CRYBG1: variants seen among roughly 807,000 people sequenced by gnomAD.
CRYBG1 encodes beta/gamma crystallin domain-containing protein 1.
In CRYBG1, 139 loss-of-function variants were observed where a neutral mutation model predicts 189.2. The observed-to-expected ratio is 0.73, with a 90% CI of 0.64 to 0.85. The LOEUF is 0.85. Ranked by LOEUF, CRYBG1 falls within the 40% of genes least tolerant of loss-of-function variation. The probability of loss-of-function intolerance (pLI) is 0.00; values close to 1 mark genes in which losing one functional copy is unlikely to be tolerated. For synonymous variants in CRYBG1, 1,023 were observed against 1,017.1 expected, an observed-to-expected ratio of 1.01 and a Z score of -0.11; for missense variants, 2,611 against 2,675.8, an observed-to-expected ratio of 0.98 and a Z score of 0.53.
In CRYBG1 at chr6:106,512,806, G is replaced by A; in HGVS notation, c.1689G>A (p.Ala563=). 2 of 1,575,146 alleles carry A rather than the reference G, an allele frequency of 1.3e-6. No homozygotes were observed. Among genetic ancestry groups the A allele is most frequent in the African/African-American group, 1.3e-5 (1 of 74,264 alleles). ...CTGCGGCCGAGAGCGGGGAGGAGGC[G>A]GCGCGGGCCATCCCCCGCGAGCTCC... ...KGTAAESGEE[A]ARAIPRELPV... is the part of the protein sequence containing the mutation. The change falls in exon 3 of 22, where the codon GCG becomes GCA. Residue 563 remains alanine (A), a synonymous_variant. Coordinates refer to ENST00000633556, the MANE Select transcript of CRYBG1 (RefSeq NM_001371242.2).
In CRYBG1 at chr6:106,541,634, AT is replaced by A; in HGVS notation, c.4881+14del. On this transcript the variant is annotated intron_variant, in intron 10 of 21. Coordinates refer to ENST00000633556, the MANE Select transcript of CRYBG1 (RefSeq NM_001371242.2). ...TACAGATCCAAAGGTAAAAATATAT[AT>A]GTATTTTTGTATGTATGTATATGTA... 4 of 1,582,020 alleles carry A rather than the reference AT, an allele frequency of 2.5e-6. No individual in the cohort carries two copies. Among genetic ancestry groups the A allele is most frequent in the Non-Finnish European group, 3.5e-6 (4 of 1,153,160 alleles).
rs778261644 is a variant in CRYBG1, at chr6:106,520,335, C to T, written c.3127C>T (p.Gln1043Ter). 6.2e-7 allele frequency: 1 copy of T among 1,614,138 alleles called. No individual in the cohort carries two copies. The highest frequency in any genetic ancestry group is 8.5e-7 in the Non-Finnish European group (1 of 1,180,028). ...AGAGAAAACTCTGCCTATTCAGGCT[C>T]AAAGTCAGGGCAGCAGAACACCCCT... ...ASEKTLPIQAQSQGSRTPLMA... is the reference protein window; with the variant it reads ...ASEKTLPIQA Residue 1043 changes from glutamine (Q) to a stop codon, truncating the protein, a stop_gained, in exon 4 of 22, where the codon CAA becomes TAA. Coordinates refer to ENST00000633556, the MANE Select transcript of CRYBG1 (RefSeq NM_001371242.2). LOFTEE classifies it high-confidence loss of function.
intron 1 of CRYBG1, among the ~76,000 whole-genome samples, chr6:106,433,771 ATG>A (rs10543809): frequency 0.19 from 10,682 of 55,344 alleles, 1,237 homozygotes; most frequent in East Asian, 0.36. Context: ...ATATATATAT[ATG>A]TATATATATA....
intron 8 of CRYBG1, among the ~76,000 whole-genome samples, chr6:106,539,032 T>C (rs913632229): frequency 6.6e-6 from 1 of 152,198 alleles, no homozygotes; most frequent in African/African-American, 2.4e-5. Flanking sequence ...CTCTTCCTCA[T>C]AGCATGGTTG....
At chr6:106,438,872 G>C (rs1771517238) in intron 1 of CRYBG1, among the ~76,000 whole-genome samples, 1 of 152,032 alleles carries the variant, frequency 6.6e-6, no homozygotes, top group Non-Finnish European at 1.5e-5. Context: ...TTAAAGTCTA[G>C]TAGCATAAAT....
At chr6:106,526,046 G>A (rs1773732284) in intron 6 of CRYBG1, among the ~76,000 whole-genome samples, 1 of 152,136 alleles carries the variant, frequency 6.6e-6, no homozygotes, top group Non-Finnish European at 1.5e-5. Flanking sequence ...GAGATACACA[G>A]GAAGTTGGGT....
chr6:106,417,230 G>A (rs1035064332), intron 1 of CRYBG1, among the ~76,000 whole-genome samples: 4 of 151,918 alleles, frequency 2.6e-5, no homozygotes, highest in African/African-American at 9.7e-5. Context: ...AATTTAAAAA[G>A]CAGGGCTACA....
intron 18 of CRYBG1, among the ~76,000 whole-genome samples, chr6:106,559,291 A>G (rs1028709790): frequency 6.6e-6 from 1 of 152,248 alleles, no homozygotes; most frequent in African/African-American, 2.4e-5. Flanking sequence ...GGCAGATGTT[A>G]TACAAATGAT....
intron 2 of CRYBG1, among the ~76,000 whole-genome samples, chr6:106,452,991 CA>C (rs1418407703): frequency 1.3e-5 from 2 of 152,098 alleles, no homozygotes; most frequent in African/African-American, 4.8e-5. Context: ...TCCTCCATCC[CA>C]AAAGACATTT....
intron 1 of CRYBG1, among the ~76,000 whole-genome samples, chr6:106,434,056 C>T (rs999237921): frequency 6.6e-6 from 1 of 151,822 alleles, no homozygotes; most frequent in African/African-American, 2.4e-5. Context: ...ACTGGAAGAT[C>T]CATTTCCAAG....
intron 3 of CRYBG1, among the ~76,000 whole-genome samples, 157 bp from the exon 4 acceptor site, chr6:106,518,974 C>T (rs190155046): frequency 4.4e-5 from 3 of 67,658 alleles, no homozygotes; most frequent in South Asian, 7.1e-4. Flanking sequence ...CACATGTGTG[C>T]GCACACACAC....
chr6:106,418,308 T>A (rs1771062312), intron 1 of CRYBG1, among the ~76,000 whole-genome samples: 4 of 152,108 alleles, frequency 2.6e-5, no homozygotes, highest in Admixed American at 2.6e-4. Flanking sequence ...AAGAATCAAA[T>A]GGGAAAGGGC....
intron 2 of CRYBG1, among the ~76,000 whole-genome samples, chr6:106,506,904 G>A (rs1773142940): frequency 6.6e-6 from 1 of 152,038 alleles, no homozygotes; most frequent in African/African-American, 2.4e-5. Flanking sequence ...ATTTATTTAA[G>A]CAAGGAAAAA....
rs1772741769 is a variant in CRYBG1, at chr6:106,492,304, A to G, written c.313-19126A>G. ...CTGTATAGAAGATACTAATTGTTTCATATCTTTTCTGTGCAGGTTGGGTTA... is the reference window on the plus strand; with the variant it reads ...CTGTATAGAAGATACTAATTGTTTCGTATCTTTTCTGTGCAGGTTGGGTTA... On this transcript the variant is annotated intron_variant, in intron 2 of 21. Transcript: ENST00000633556. Among the ~76,000 whole-genome samples the G allele has an allele frequency of 2.0e-5, 3 of 152,280 alleles. No individual in the cohort carries two copies. The South Asian group carries it at 6.2e-4, about 32-fold the overall frequency.
intron 1 of CRYBG1, among the ~76,000 whole-genome samples, chr6:106,444,471 T>C (rs1414557457): frequency 3.9e-5 from 6 of 152,194 alleles, no homozygotes; most frequent in African/African-American, 1.4e-4. Context: ...ATTCTCCTGG[T>C]TGTTTGGTCC....
chr6:106,383,961 A>G (rs572530859), intron 1 of CRYBG1, among the ~76,000 whole-genome samples: 1 of 152,338 alleles, frequency 6.6e-6, no homozygotes, highest in African/African-American at 2.4e-5. Flanking sequence ...AGAGAAAAAA[A>G]GAAGCTTCCT....
intron 1 of CRYBG1, among the ~76,000 whole-genome samples, chr6:106,363,210 C>T (rs1771914305): frequency 1.4e-5 from 2 of 142,706 alleles, no homozygotes; most frequent in Admixed American, 7.2e-5. Flanking sequence ...CGCCACTGCA[C>T]TCCAGCCTGG....
chr6:106,420,313 G>A (rs1001220403), intron 1 of CRYBG1, among the ~76,000 whole-genome samples: 8 of 152,210 alleles, frequency 5.3e-5, no homozygotes, highest in Non-Finnish European at 1.0e-4. Context: ...AGGGTCATAA[G>A]GCAGATGGCT....
chr6:106,456,862 C>G (rs1252473643), intron 2 of CRYBG1, among the ~76,000 whole-genome samples: 3 of 152,166 alleles, frequency 2.0e-5, no homozygotes, highest in African/African-American at 7.2e-5. Context: ...CAAACCTGCT[C>G]CATCCCCTGG....
Sources: allele counts gnomAD v4.1 joint callset (sites outside exome capture counted in the v4.1 genomes callset), GRCh38; gene constraint gnomAD v4.1.1; transcripts MANE v1.5; gene names NCBI Gene and HGNC (gene_info 2026-07-23, HGNC 2026-07-21).